Variants in TTBK2 observed in about 807,000 individuals in gnomAD.
TTBK2 encodes tau-tubulin kinase 2.
Under a neutral mutation model 110.8 loss-of-function variants are expected in TTBK2, and 28 were observed. The observed-to-expected ratio is 0.25, with a 90% CI of 0.19 to 0.35. TTBK2 has a LOEUF of 0.35. TTBK2 is among the 10% of genes least tolerant of loss of function. The probability of loss-of-function intolerance (pLI) is 1.00; values close to 1 mark genes in which losing one functional copy is unlikely to be tolerated. For missense variants in TTBK2, 1,369 were observed against 1,500.3 expected, an observed-to-expected ratio of 0.91 and a Z score of 1.45; for synonymous variants, 532 against 527.3, an observed-to-expected ratio of 1.01 and a Z score of -0.12.
chr15:42,783,381 T>C (rs755658361), intron 11 of TTBK2, 38 bp downstream of exon 11: 25 of 1,595,356 alleles, frequency 1.6e-5, no homozygotes, highest in Non-Finnish European at 2.1e-5. Flanking sequence ...TTCTGAACTG[T>C]AAGAAATAAA....
chr15:42,878,822 T>A (rs8036096), intron 1 of TTBK2, 138 bp from the exon 2 acceptor site: 1 of 1,079,660 alleles, frequency 9.3e-7, no homozygotes, highest in East Asian at 2.8e-5. Flanking sequence ...GAAAAAGACC[T>A]AGAAATGTTT....
At chr15:42,791,636 T>C (rs932028020) in intron 10 of TTBK2, among the ~76,000 whole-genome samples, 2 of 152,176 alleles carry the variant, frequency 1.3e-5, no homozygotes, top group African/African-American at 4.8e-5. Flanking sequence ...CAATTATGAT[T>C]TCATTTCTTC....
At chr15:42,764,113 T>C (rs1355796673) in intron 13 of TTBK2, among the ~76,000 whole-genome samples, 1 of 152,192 alleles carries the variant, frequency 6.6e-6, no homozygotes, top group Non-Finnish European at 1.5e-5. Context: ...TCATGCAGTA[T>C]TGAAAGACAC....
chr15:42,763,146 A>ACG (rs2062064783), intron 13 of TTBK2, among the ~76,000 whole-genome samples: 2 of 75,644 alleles, frequency 2.6e-5, no homozygotes, highest in African/African-American at 1.6e-4. Flanking sequence ...ATACATACAT[A>ACG]TATATATATA....
chr15:42,910,648 A>T (rs2141210239), intron 1 of TTBK2, among the ~76,000 whole-genome samples: 1 of 152,380 alleles, frequency 6.6e-6, no homozygotes, highest in African/African-American at 2.4e-5. Context: ...AATCAGGAGA[A>T]GAAAAGTTAT....
intron 7 of TTBK2, among the ~76,000 whole-genome samples, chr15:42,815,958 A>AAAAAAAATATATATAT (rs71108183): frequency 3.7e-4 from 34 of 91,688 alleles, no homozygotes; most frequent in Non-Finnish European, 5.4e-4. Flanking sequence ...TTAAAAAAAA[A>AAAAAAAATATATATAT]ATATATATAT....
chr15:42,764,235 T>A (rs1239808136), intron 13 of TTBK2, among the ~76,000 whole-genome samples: 2 of 152,286 alleles, frequency 1.3e-5, no homozygotes, highest in East Asian at 3.9e-4. Flanking sequence ...AGGTACCTGG[T>A]TCATCTCACT....
chr15:42,830,034 T>C lies in TTBK2; in HGVS notation c.336A>G (p.Thr112=), dbSNP rs374174162. ...ADLRRSQSRG[T]FTISTTLRLG... ...GCCGGAGAGTGGTACTAATGGTGAA[T>C]GTGCCTCGGGACTGGCTACGGCGAA... The change falls in exon 5 of 15, where the codon ACA becomes ACG. Residue 112 remains threonine (T), a synonymous_variant. Transcript: ENST00000267890. The C allele has an allele frequency of 6.2e-6, 10 of 1,614,072 alleles. No individual in the cohort carries two copies. In the African/African-American group the frequency reaches 6.7e-5, roughly 11 times the overall value.
At chr15:42,790,284 G>A (rs928039282) in intron 10 of TTBK2, among the ~76,000 whole-genome samples, 1 of 117,756 alleles carries the variant, frequency 8.5e-6, no homozygotes, top group Non-Finnish European at 1.8e-5. Flanking sequence ...TGTATTCTTT[G>A]TCTATTTTTT....
chr15:42,831,473 T>C (rs11070380), intron 4 of TTBK2, among the ~76,000 whole-genome samples: 20,866 of 152,166 alleles, frequency 0.14, 1,737 homozygotes, highest in Admixed American at 0.23. Context: ...CTTGTAGAAG[T>C]ATATAAAAGC....
At chr15:42,877,664 T>C (rs1013896231) in intron 2 of TTBK2, among the ~76,000 whole-genome samples, 24 of 152,208 alleles carry the variant, frequency 1.6e-4, no homozygotes, top group Admixed American at 5.9e-4. Context: ...GATTACTTTT[T>C]TTTAGTACTA....
At chr15:42,883,816 T>TC (rs1895143284) in intron 1 of TTBK2, among the ~76,000 whole-genome samples, 1 of 152,128 alleles carries the variant, frequency 6.6e-6, no homozygotes, top group Admixed American at 6.5e-5. Flanking sequence ...AATATGATTC[T>TC]ATAAGAAACT....
intron 9 of TTBK2, among the ~76,000 whole-genome samples, chr15:42,809,705 T>C (rs978042338): frequency 1.3e-5 from 2 of 152,214 alleles, no homozygotes; most frequent in East Asian, 3.8e-4. Flanking sequence ...GGCATATGCA[T>C]GAGAAGACAA....
chr15:42,801,346 C>T, intron 9 of TTBK2: 1 of 1,550,354 alleles, frequency 6.5e-7, no homozygotes, highest in Non-Finnish European at 8.9e-7. Context: ...AGGGCGGCCT[C>T]CAGCTCAGAC....
At chr15:42,827,663 T>C (rs902783548) in intron 6 of TTBK2, among the ~76,000 whole-genome samples, 1 of 152,164 alleles carries the variant, frequency 6.6e-6, no homozygotes, top group Non-Finnish European at 1.5e-5. Context: ...AAGGGTCTCA[T>C]ACTGCAAAAA....
chr15:42,825,945 A>T (rs905331823), intron 6 of TTBK2, among the ~76,000 whole-genome samples: 1 of 152,120 alleles, frequency 6.6e-6, no homozygotes, highest in Non-Finnish European at 1.5e-5. Flanking sequence ...GCCATTTCTT[A>T]ACCTAGATGG....
At chr15:42,785,770 C>A (rs1890386978) in intron 10 of TTBK2, among the ~76,000 whole-genome samples, 1 of 150,532 alleles carries the variant, frequency 6.6e-6, no homozygotes, top group African/African-American at 2.4e-5. Context: ...ATATTGCTGA[C>A]TGAACACAAT....
chr15:42,817,055 A>G lies in TTBK2; in HGVS notation c.580T>C (p.Ser194Pro). ...ACCCTGTTCCGATGTGCGTTGATTGATGCATAACGAACTGTCCCTCGAAAA... is the reference window on the plus strand; with the variant it reads ...ACCCTGTTCCGATGTGCGTTGATTGGTGCATAACGAACTGTCCCTCGAAAA... ...AGFRGTVRYA[S>P]INAHRNREMG... The change falls in exon 7 of 15, where the codon TCA becomes CCA. Residue 194 changes from serine (S) to proline (P), a missense_variant. Physicochemically the swap from Ser to Pro is moderately conservative, Grantham distance 74. Transcript: ENST00000267890. 2 of 1,607,386 alleles carry G rather than the reference A, an allele frequency of 1.2e-6. No homozygotes were observed. Among genetic ancestry groups the G allele is most frequent in the Non-Finnish European group, 1.7e-6 (2 of 1,175,960 alleles).
chr15:42,747,095 G>T (rs1053149139), intron 14 of TTBK2, among the ~76,000 whole-genome samples: 13 of 151,908 alleles, frequency 8.6e-5, no homozygotes, highest in African/African-American at 3.1e-4. Context: ...CTCCTGAGTA[G>T]CTGGGATGAC....
Sources: gnomAD v4.1 joint callset for allele counts (sites outside exome capture counted in the v4.1 genomes callset) on GRCh38, gnomAD v4.1.1 for gene constraint, MANE v1.5 for transcripts, NCBI Gene and HGNC (gene_info 2026-07-23, HGNC 2026-07-21) for gene names.